Variants in ADGRG1 observed in about 807,000 individuals in gnomAD.
ADGRG1 encodes 7-transmembrane protein with no EGF-like N-terminal domains-1.
In ADGRG1, 53 loss-of-function variants were observed where a neutral mutation model predicts 73.5. That is an observed-to-expected ratio of 0.72 (90% CI 0.58 to 0.91). The LOEUF (loss-of-function observed/expected upper bound fraction) is 0.91. ADGRG1 is among the 40% of genes least tolerant of loss of function. The pLI is 0.00. For missense variants in ADGRG1, 795 were observed against 871.8 expected (o/e 0.91, Z 1.11); for synonymous variants, 394 against 374.4 (o/e 1.05, Z -0.60).
chr16:57,656,051 C>T, intron 7 of ADGRG1, 59 bp downstream of exon 7: 1 of 1,613,674 alleles, frequency 6.2e-7, no homozygotes, highest in Non-Finnish European at 8.5e-7. Flanking sequence ...ACCCTTTCCT[C>T]TCCCTCCCTC....
upstream of ADGRG1, among the ~76,000 whole-genome samples, chr16:57,625,368 G>A (rs561724461): frequency 2.0e-5 from 3 of 152,190 alleles, no homozygotes; most frequent in Admixed American, 6.5e-5. Flanking sequence ...CCTGTGCCCC[G>A]ATTCTTCAGG....
chr16:57,651,134 T>A, intron 2 of ADGRG1, 66 bp from the exon 3 acceptor site: 1 of 1,609,318 alleles, frequency 6.2e-7, no homozygotes, highest in Non-Finnish European at 8.5e-7. Flanking sequence ...GCCTAGGTCC[T>A]GTCCCCTTCC....
rs145010328 is a variant in ADGRG1 at position 57,640,032 on chromosome 16, C to A, written c.-35-10221C>A. ...CCCTTGCTGAAGATTCTTTTGGGTC[C>A]CTGGGCTGCACCCCCGGTGTCAGAA... is the stretch of plus-strand genomic sequence containing the variant. On this transcript the variant is annotated intron_variant, in intron 1 of 13. Coordinates refer to ENST00000562631, the MANE Select transcript of ADGRG1 (RefSeq NM_201525.4). 6.6e-4 allele frequency: 125 copies of A among 190,020 alleles called. 1 individual carries two copies. Among genetic ancestry groups the A allele is most frequent in the African/African-American group, 2.8e-3 (119 of 42,170 alleles). 11.8% of individuals were successfully genotyped at this position (190,020 alleles called of 1,614,324 possible).
In ADGRG1 at chr16:57,663,473, A is replaced by G. The variant is rs1230643231; in HGVS notation, c.1955A>G (p.Tyr652Cys). Residue 652 changes from tyrosine to cysteine, a missense_variant, in exon 14 of 14, where the codon TAC (tyrosine) becomes TGC (cysteine). By Grantham distance (194) the Tyr-to-Cys change is radical. Coordinates refer to ENST00000562631, the MANE Select transcript of ADGRG1 (RefSeq NM_201525.4). The stretch of plus-strand genomic sequence containing the variant: ...GCAGGCTTCCTCATCTTCATCTGGT[A>G]CTGGTCCATGCGGCTGCAGGCCCGG... ...SFQGFLIFIW[Y>C]WSMRLQARGG... 6.2e-7 allele frequency: 1 copy of G among 1,613,900 alleles called. No individual in the cohort carries two copies. Among genetic ancestry groups the G allele is most frequent in the East Asian group, 2.2e-5 (1 of 44,884 alleles).
chr16:57,646,076 G>A (rs1423698531), intron 1 of ADGRG1: 2 of 152,316 alleles, frequency 1.3e-5, no homozygotes, highest in Non-Finnish European at 2.9e-5. Context: ...TGGATGGCCA[G>A]GTTCGTGGGT....
chr16:57,628,931 T>C lies in ADGRG1; in HGVS notation c.-36+129T>C. ...GAGTGTGTGAGAGTGAGTGTGAGTGTGAGTGTGAGCGTGAGAGTGTGAGAG... is the reference window on the plus strand; with the variant it reads ...GAGTGTGTGAGAGTGAGTGTGAGTGCGAGTGTGAGCGTGAGAGTGTGAGAG... On this transcript the variant is annotated intron_variant, in intron 1 of 13. Coordinates refer to ENST00000562631, the MANE Select transcript of ADGRG1 (RefSeq NM_201525.4). The C allele has an allele frequency of 8.5e-6, 6 of 709,904 alleles. 1 individual carries two copies. Among genetic ancestry groups the C allele is most frequent in the Non-Finnish European group, 1.0e-5 (6 of 601,294 alleles). 44.0% of individuals were successfully genotyped at this position (709,904 alleles called of 1,614,324 possible). A position where few individuals can be genotyped will look rare whatever the true frequency, so the allele number is the denominator to read the frequency against.
At chr16:57,622,510 G>A (rs2035045230) in intron 2 of ADGRG1, among the ~76,000 whole-genome samples, 1 of 152,172 alleles carries the variant, frequency 6.6e-6, no homozygotes, top group Non-Finnish European at 1.5e-5. Flanking sequence ...GCAGGGATGT[G>A]TAGAGTCTCA....
rs1209010937 is a variant in ADGRG1, at chr16:57,663,071, G to A, written c.1934-381G>A. On this transcript the variant is annotated intron_variant, in intron 13 of 13. Coordinates refer to ENST00000562631, the MANE Select transcript of ADGRG1 (RefSeq NM_201525.4). ...TTTACTAAGCTGTGGATACATCATA[G>A]TGCTATTAATTTGAGGGGTGCAAAA... is the stretch of plus-strand genomic sequence containing the variant. 4.1e-6 allele frequency: 4 copies of A among 985,222 alleles called. No homozygotes were observed. In the African/African-American group the frequency reaches 7.0e-5, roughly 17 times the overall value. The allele number at this position is 985,222 out of a possible 1,614,324, so 61.0% of individuals were successfully genotyped here.
intron 1 of ADGRG1, chr16:57,648,527 G>A: frequency 1.0e-6 from 1 of 974,630 alleles, no homozygotes; most frequent in Non-Finnish European, 1.2e-6. Flanking sequence ...AGTCGAAGGG[G>A]CCAGGTTTAT....
intron 1 of ADGRG1, chr16:57,635,529 A>C (rs1868678): frequency 0.54 from 532,085 of 984,894 alleles, 147,075 homozygotes; most frequent in African/African-American, 0.86. Flanking sequence ...GTCTCTGTCT[A>C]CCTACCTGGG....
intron 1 of ADGRG1, chr16:57,644,291 A>G: frequency 1.5e-6 from 1 of 658,014 alleles, no homozygotes; most frequent in Non-Finnish European, 1.9e-6. Context: ...TCACACACTC[A>G]TGCTCAGGCA....
intron 1 of ADGRG1, among the ~76,000 whole-genome samples, chr16:57,634,816 C>T (rs12103178): frequency 0.5 from 75,423 of 152,158 alleles, 19,560 homozygotes; most frequent in African/African-American, 0.66. Flanking sequence ...CCACATTCCC[C>T]GGAGTCGCTA....
At chr16:57,627,202 T>G, upstream of ADGRG1, 3 of 487,268 alleles carry the variant, frequency 6.2e-6, no homozygotes, top group Non-Finnish European at 8.0e-6. Context: ...CAGCCCTGGC[T>G]CCTAGGCTGC....
chr16:57,650,404 C>T, intron 2 of ADGRG1, 53 bp downstream of exon 2: 1 of 1,610,634 alleles, frequency 6.2e-7, no homozygotes, highest in South Asian at 1.1e-5. Context: ...TAAAATGCCC[C>T]TGTGCCTAGG....
At chr16:57,628,148 C>T (rs928670083), upstream of ADGRG1, 17 of 985,376 alleles carry the variant, frequency 1.7e-5, no homozygotes, top group South Asian at 4.7e-5. Context: ...CGCTCCCTCC[C>T]GACTGCCTTC....
chr16:57,651,938 T>C lies in ADGRG1; in HGVS notation c.487+316T>C, dbSNP rs1369490072. On this transcript the variant is annotated intron_variant, in intron 3 of 13. Transcript: ENST00000562631. ...TTGGTGAAGGAGGATGAGGTCTGAA[T>C]AGGGTGAGAGAGCAGAGACTGGAAA... is the stretch of plus-strand genomic sequence containing the variant. 1.0e-5 allele frequency: 14 copies of C among 1,335,504 alleles called. 1 individual carries two copies. Among genetic ancestry groups the C allele is most frequent in the East Asian group, 6.5e-5 (2 of 30,750 alleles). 82.7% of individuals were successfully genotyped at this position (1,335,504 alleles called of 1,614,324 possible). A position where few individuals can be genotyped will look rare whatever the true frequency, so the allele number is the denominator to read the frequency against.
At chr16:57,624,269 G>A (rs2147017075), upstream of ADGRG1, 1 of 508,362 alleles carries the variant, frequency 2.0e-6, no homozygotes, top group African/African-American at 2.1e-5. Context: ...GGAGGTCAAG[G>A]TGGGAGGATC....
At chr16:57,625,538 T>A (rs2035674782), upstream of ADGRG1, 3 of 983,782 alleles carry the variant, frequency 3.0e-6, no homozygotes, top group Admixed American at 6.2e-5. Flanking sequence ...GGACCCAACT[T>A]CCCCTCTACT....
At chr16:57,651,089 G>A in intron 2 of ADGRG1, 111 bp from the exon 3 acceptor site, 1 of 1,598,816 alleles carries the variant, frequency 6.3e-7, no homozygotes, top group Non-Finnish European at 8.5e-7. Context: ...CTTGGAATGT[G>A]TGTGAATCTC....
Sources: gnomAD v4.1 joint callset for allele counts (sites outside exome capture counted in the v4.1 genomes callset) on GRCh38, gnomAD v4.1.1 for gene constraint, MANE v1.5 for transcripts, NCBI Gene and HGNC (gene_info 2026-07-23, HGNC 2026-07-21) for gene names.